ZNF717: variants seen among roughly 807,000 people sequenced by gnomAD.
The protein encoded by ZNF717 is krueppel-like factor X17.
ZNF717 carries 9 observed loss-of-function variants against 13.8 expected under a neutral mutation model. The observed-to-expected ratio is 0.65, with a 90% CI of 0.39 to 1.14. The LOEUF (loss-of-function observed/expected upper bound fraction) is 1.14. Among genes scored for constraint, ZNF717 ranks in the 50% most tolerant of loss-of-function variants. The pLI, the probability that ZNF717 is intolerant of heterozygous loss-of-function variation, is 0.01. For missense variants in ZNF717, 1,040 were observed against 1,080.7 expected, an observed-to-expected ratio of 0.96 and a Z score of 0.53; for synonymous variants, 327 against 364.1, an observed-to-expected ratio of 0.90 and a Z score of 1.16.
At chr3:75,779,162 C>A (rs1944601112) in intron 2 of ZNF717, among the ~76,000 whole-genome samples, 2 of 151,570 alleles carry the variant, frequency 1.3e-5, no homozygotes, top group Non-Finnish European at 2.9e-5. Context: ...CGTGCGAAAA[C>A]CGGAACCCAA....
intron 6 of ZNF717, among the ~76,000 whole-genome samples, chr3:75,696,892 C>CAAAAAAAAAAAAAAAAAAA: frequency 1.6e-5 from 1 of 61,472 alleles, no homozygotes; most frequent in South Asian, 4.2e-4. Flanking sequence ...GACTTCATCT[C>CAAAAAAAAAAAAAAAAAAA]AAAAAAAAAA....
rs1280510242 is a variant in ZNF717 at position 75,741,574 on chromosome 3, A to G, written c.184+36T>C. The stretch of plus-strand genomic sequence containing the variant: ...GGTTCCTATATTTACCAGCAACAAA[A>G]TACAATCCTGGGAGTTACTGGCAAG... On this transcript the variant is annotated intron_variant, in intron 3 of 4. Transcript: ENST00000652011. 20 of 1,579,802 alleles carry G rather than the reference A, an allele frequency of 1.3e-5. No homozygotes were observed. The African/African-American group carries it at 1.5e-4, about 12-fold the overall frequency.
At chr3:75,747,404 T>C (rs1941280030) in intron 2 of ZNF717, among the ~76,000 whole-genome samples, 1 of 152,202 alleles carries the variant, frequency 6.6e-6, no homozygotes, top group African/African-American at 2.4e-5. Context: ...AAGAAAATCA[T>C]TGGTAGCTTG....
At chr3:75,714,173 C>G (rs75131678) in intron 5 of ZNF717, among the ~76,000 whole-genome samples, 2 of 151,522 alleles carry the variant, frequency 1.3e-5, no homozygotes, top group Admixed American at 1.3e-4. Context: ...GGCCTGACAT[C>G]AGTCAGGCCC....
chr3:75,748,839 A>AG (rs1941413205), intron 2 of ZNF717, among the ~76,000 whole-genome samples: 1 of 152,198 alleles, frequency 6.6e-6, no homozygotes, highest in Non-Finnish European at 1.5e-5. Context: ...AGTTCTGGCC[A>AG]GGGCTATCAG....
intron 2 of ZNF717, among the ~76,000 whole-genome samples, chr3:75,748,223 G>A (rs1941355803): frequency 1.3e-5 from 2 of 152,118 alleles, no homozygotes; most frequent in Admixed American, 6.5e-5. Flanking sequence ...AAAGAGTCCA[G>A]AACCAGACGG....
chr3:75,764,990 G>GAGATATATATATAT (rs1943325231), intron 2 of ZNF717, among the ~76,000 whole-genome samples: 2 of 102,300 alleles, frequency 2.0e-5, no homozygotes, highest in African/African-American at 8.9e-5. Context: ...TAAACAAAAG[G>GAGATATATATATAT]ATATATATAT....
intron 2 of ZNF717, among the ~76,000 whole-genome samples, chr3:75,758,061 T>C (rs1374811445): frequency 1.0e-4 from 14 of 138,626 alleles, no homozygotes; most frequent in Non-Finnish European, 2.0e-4. Flanking sequence ...CAGGTTTCAG[T>C]GAGCTGAGAT....
intron 2 of ZNF717, among the ~76,000 whole-genome samples, chr3:75,747,780 T>C (rs1941316583): frequency 1.3e-5 from 2 of 152,146 alleles, no homozygotes; most frequent in African/African-American, 4.8e-5. Flanking sequence ...TGGGGTTTTC[T>C]AGATATACAA....
intron 2 of ZNF717, among the ~76,000 whole-genome samples, chr3:75,778,399 C>G (rs1044054539): frequency 1.3e-5 from 2 of 148,702 alleles, no homozygotes; most frequent in East Asian, 3.9e-4. Flanking sequence ...AACCGGAACC[C>G]AAAACAATGG....
intron 2 of ZNF717, among the ~76,000 whole-genome samples, chr3:75,761,083 A>G (rs1309221324): frequency 6.6e-6 from 1 of 152,204 alleles, no homozygotes; most frequent in African/African-American, 2.4e-5. Context: ...ACCATACTGC[A>G]TCATGGAGAA....
intron 6 of ZNF717, among the ~76,000 whole-genome samples, chr3:75,697,847 G>C (rs1937620811): frequency 6.6e-6 from 1 of 152,424 alleles, no homozygotes; most frequent in African/African-American, 2.4e-5. Context: ...ATGAGAGAAA[G>C]TTGAGATTTT....
In ZNF717 at chr3:75,741,456, C is replaced by T. The variant is rs76935257; in HGVS notation, c.185-88G>A. On this transcript the variant is annotated intron_variant, in intron 3 of 4. Transcript: ENST00000652011. Reference sequence around the variant, plus strand: ...CGACAGCTGGGCTTCAGGGACTGTGCAATGAAGGAGCCAATTTGAACATTT... The same window carrying T: ...CGACAGCTGGGCTTCAGGGACTGTGTAATGAAGGAGCCAATTTGAACATTT... 5.2e-3 allele frequency: 7,076 copies of T among 1,373,182 alleles called. 29 individuals are homozygous for T. The highest frequency in any genetic ancestry group is 4.2e-3 in the Non-Finnish European group (4,094 of 986,302). 85.1% of individuals were successfully genotyped at this position (1,373,182 alleles called of 1,614,324 possible).
intron 2 of ZNF717, among the ~76,000 whole-genome samples, chr3:75,745,296 G>A (rs2107278256): frequency 6.6e-6 from 1 of 151,990 alleles, no homozygotes; most frequent in South Asian, 2.1e-4. Flanking sequence ...GGCATCCTAT[G>A]TAAGGGAAAA....
chr3:75,696,661 G>C (rs1175604552), intron 6 of ZNF717, among the ~76,000 whole-genome samples: 1 of 152,298 alleles, frequency 6.6e-6, no homozygotes, highest in Non-Finnish European at 1.5e-5. Context: ...GGGAAGCCGA[G>C]GTGGGCAGAT....
chr3:75,730,746 C>T, intron 5 of ZNF717: 1 of 612,860 alleles, frequency 1.6e-6, no homozygotes, highest in Non-Finnish European at 2.9e-6. Context: ...CTAATATTTA[C>T]AAACAGAAAT....
At chr3:75,761,881 C>T (rs895229079) in intron 2 of ZNF717, among the ~76,000 whole-genome samples, 7 of 152,222 alleles carry the variant, frequency 4.6e-5, no homozygotes, top group Admixed American at 1.3e-4. Context: ...TAGTAAAACT[C>T]TGTCTCTATT....
chr3:75,732,209 C>T (rs1358934584), downstream of ZNF717: 5 of 695,988 alleles, frequency 7.2e-6, no homozygotes, highest in South Asian at 1.5e-5. Flanking sequence ...AATTACTGAA[C>T]CTCAGCCTAA....
At chr3:75,723,889 C>T (rs1938220708) in intron 4 of ZNF717, among the ~76,000 whole-genome samples, 1 of 152,198 alleles carries the variant, frequency 6.6e-6, no homozygotes, top group African/African-American at 2.4e-5. Context: ...ATCAGTCAAG[C>T]TCGCCCGCAG....
Sources: gnomAD v4.1 joint callset for allele counts (sites outside exome capture counted in the v4.1 genomes callset) on GRCh38, gnomAD v4.1.1 for gene constraint, MANE v1.5 for transcripts, NCBI Gene and HGNC (gene_info 2026-07-23, HGNC 2026-07-21) for gene names.